The following CCDC171 variants were observed in gnomAD, a reference collection of about 807,000 sequenced individuals.
CCDC171 encodes the protein coiled-coil domain containing 171, also known as coiled-coil domain-containing protein 171.
Under a neutral mutation model 168.2 loss-of-function variants are expected in CCDC171, and 177 were observed. The observed-to-expected ratio is 1.05, with a 90% CI of 0.93 to 1.19. The LOEUF is 1.19. Among genes scored for constraint, CCDC171 ranks in the 50% most tolerant of loss-of-function variants. The pLI, the probability that CCDC171 is intolerant of heterozygous loss-of-function variation, is 0.00. For synonymous variants in CCDC171, 687 were observed against 540.8 expected (o/e 1.27, Z -3.75); for missense variants, 1,991 against 1,539.0 (o/e 1.29, Z -4.91).
At chr9:16,087,286 G>T in the CCDC171 span, among the ~76,000 whole-genome samples, 1 of 152,144 alleles carries the variant, frequency 6.6e-6, no homozygotes, top group Non-Finnish European at 1.5e-5. Context: ...GGATATCCTT[G>T]TTAATTTTCT....
chr9:15,608,786 A>AG (rs2043411298), intron 6 of CCDC171, among the ~76,000 whole-genome samples: 4 of 137,708 alleles, frequency 2.9e-5, no homozygotes, highest in Non-Finnish European at 6.3e-5. Flanking sequence ...TCTCTCTATG[A>AG]AAAAAAAAAA....
chr9:15,935,893 G>T (rs953223191), intron 25 of CCDC171, among the ~76,000 whole-genome samples: 1 of 152,072 alleles, frequency 6.6e-6, no homozygotes, highest in Non-Finnish European at 1.5e-5. Context: ...AATGTAATCA[G>T]ACTCCAGTGA....
At chr9:15,570,124 C>T (rs2040103939) in intron 2 of CCDC171, among the ~76,000 whole-genome samples, 1 of 151,962 alleles carries the variant, frequency 6.6e-6, no homozygotes, top group Admixed American at 6.5e-5. Context: ...CATGAGCCAC[C>T]ACATCCAGCT....
intron 6 of CCDC171, among the ~76,000 whole-genome samples, chr9:15,595,092 A>G (rs58163633): frequency 0.03 from 4,531 of 152,276 alleles, 212 homozygotes; most frequent in African/African-American, 0.1. Context: ...ATGTCTCACA[A>G]ACAACTTTGT....
intron 11 of CCDC171, among the ~76,000 whole-genome samples, chr9:15,707,497 C>G (rs887500141): frequency 6.6e-6 from 1 of 152,136 alleles, no homozygotes; most frequent in Admixed American, 6.5e-5. Flanking sequence ...TAACTTTATG[C>G]TAATCACTAC....
At chr9:15,859,047 C>T (rs1419575375) in intron 23 of CCDC171, among the ~76,000 whole-genome samples, 6 of 151,982 alleles carry the variant, frequency 3.9e-5, no homozygotes, top group African/African-American at 1.2e-4. Context: ...TTGGTGTGTT[C>T]AGCTACTTTT....
At chr9:16,003,752 A>C (rs557425490) in intron 3 of CCDC171, among the ~76,000 whole-genome samples, 1 of 152,292 alleles carries the variant, frequency 6.6e-6, no homozygotes, top group South Asian at 2.1e-4. Flanking sequence ...CCAAGTTTTC[A>C]CCCTTGACCA....
intron 16 of CCDC171, among the ~76,000 whole-genome samples, chr9:15,735,923 A>G (rs975380540): frequency 6.6e-6 from 1 of 152,214 alleles, no homozygotes; most frequent in Admixed American, 6.5e-5. Flanking sequence ...TAATTATAAT[A>G]TTAGCAGTTG....
chr9:15,942,379 A>G (rs899313736), intron 25 of CCDC171, among the ~76,000 whole-genome samples: 1 of 151,928 alleles, frequency 6.6e-6, no homozygotes, highest in African/African-American at 2.4e-5. Context: ...CTTTATTAAT[A>G]AGGTCGTCTG....
At chr9:15,738,536 T>A (rs1243854444) in intron 16 of CCDC171, among the ~76,000 whole-genome samples, 1 of 152,226 alleles carries the variant, frequency 6.6e-6, no homozygotes, top group Non-Finnish European at 1.5e-5. Flanking sequence ...GTACTAGGAA[T>A]GCTTTTGTCC....
At chr9:15,745,962 C>G (rs1052358582) in intron 18 of CCDC171, among the ~76,000 whole-genome samples, 2 of 152,048 alleles carry the variant, frequency 1.3e-5, no homozygotes, top group African/African-American at 4.8e-5. Flanking sequence ...TATTTCACTT[C>G]TACTTCTGGC....
chr9:15,788,281 G>A (rs2058071389), intron 21 of CCDC171, among the ~76,000 whole-genome samples: 1 of 152,144 alleles, frequency 6.6e-6, no homozygotes, highest in Admixed American at 6.5e-5. Flanking sequence ...CAGAAATAAG[G>A]ATAATGATAC....
At chr9:15,945,033 G>A (rs1442539335) in intron 25 of CCDC171, among the ~76,000 whole-genome samples, 3 of 137,554 alleles carry the variant, frequency 2.2e-5, no homozygotes, top group African/African-American at 8.0e-5. Context: ...CCTCTCCCCC[G>A]CCCACCCCAC....
At chr9:15,933,540 C>A (rs1342592182) in intron 25 of CCDC171, among the ~76,000 whole-genome samples, 1 of 151,766 alleles carries the variant, frequency 6.6e-6, no homozygotes, top group African/African-American at 2.4e-5. Flanking sequence ...CAATTCTGGG[C>A]TTAGTTTGTT....
intron 24 of CCDC171, among the ~76,000 whole-genome samples, chr9:15,892,461 A>T (rs1003918241): frequency 6.6e-6 from 1 of 151,742 alleles, no homozygotes; most frequent in Admixed American, 6.6e-5. Flanking sequence ...TGAGATAATC[A>T]TGTGTTTTTT....
chr9:15,782,049 AG>A (rs745845727), intron 20 of CCDC171, among the ~76,000 whole-genome samples: 71 of 152,302 alleles, frequency 4.7e-4, no homozygotes, highest in Non-Finnish European at 7.5e-4. Flanking sequence ...GTGCTAATAA[AG>A]GGTTGTTATA....
In CCDC171 at chr9:15,582,929, T is replaced by TA. The variant is rs556128674; in HGVS notation, c.352+3921dup. On this transcript the variant is annotated intron_variant, in intron 4 of 25. Coordinates refer to ENST00000380701, the MANE Select transcript of CCDC171 (RefSeq NM_173550.4). ...ACATGTATCTCGGAACTTAAAGTAT[T>TA]AAAAAAAAAAAAAAAGAACCAAAAG... Among the ~76,000 whole-genome samples, 361 of 131,826 alleles carry TA rather than the reference T, an allele frequency of 2.7e-3. 1 individual carries two copies. The highest frequency in any genetic ancestry group is 7.0e-3 in the South Asian group (29 of 4,172). 86.5% of individuals were successfully genotyped at this position (131,826 alleles called of 152,430 possible).
intron 21 of CCDC171, among the ~76,000 whole-genome samples, chr9:15,817,150 T>A (rs2059589035): frequency 8.5e-6 from 1 of 117,940 alleles, no homozygotes; most frequent in Admixed American, 8.0e-5. Flanking sequence ...AAAACACCAA[T>A]AACAACAAAT....
At chr9:16,001,305 CTCTT>C in intron 3 of CCDC171, among the ~76,000 whole-genome samples, 1 of 152,240 alleles carries the variant, frequency 6.6e-6, no homozygotes, top group South Asian at 2.1e-4. Flanking sequence ...GAGCCTCTCT[CTCTT>C]GAAGAAAACA....
Sources: gnomAD v4.1 joint callset for allele counts (sites outside exome capture counted in the v4.1 genomes callset) on GRCh38, gnomAD v4.1.1 for gene constraint, MANE v1.5 for transcripts, NCBI Gene and HGNC (gene_info 2026-07-23, HGNC 2026-07-21) for gene names.